PCGF6: variants seen among roughly 807,000 people sequenced by gnomAD.
PCGF6 encodes the protein polycomb group RING finger protein 6.
PCGF6 carries 24 observed loss-of-function variants against 45.5 expected under a neutral mutation model. The observed-to-expected ratio is 0.53, with a 90% confidence interval of 0.38 to 0.74. The LOEUF (loss-of-function observed/expected upper bound fraction) is 0.74. PCGF6 is among the 30% of genes least tolerant of loss of function. The pLI, the probability that PCGF6 is intolerant of heterozygous loss-of-function variation, is 0.00. For synonymous variants in PCGF6, 152 were observed against 162.1 expected (o/e 0.94, Z 0.47); for missense variants, 356 against 443.2 (o/e 0.80, Z 1.77).
chr10:103,317,950 G>A (rs1230095155), intron 8 of PCGF6, among the ~76,000 whole-genome samples: 2 of 151,026 alleles, frequency 1.3e-5, no homozygotes, highest in Non-Finnish European at 2.9e-5. Context: ...TAGACACGGG[G>A]TTTCTCATCT....
Position 103,345,005 on chromosome 10 carries a change from A to T in PCGF6, c.782+19T>A. 6.7e-7 allele frequency: 1 copy of T among 1,498,880 alleles called. No individual in the cohort carries two copies. Among genetic ancestry groups the T allele is most frequent in the Non-Finnish European group, 9.1e-7 (1 of 1,094,996 alleles). The allele number at this position is 1,498,880 out of a possible 1,614,324, so 92.8% of individuals were successfully genotyped here. A position where few individuals can be genotyped will look rare whatever the true frequency, so the allele number is the denominator to read the frequency against. On this transcript the variant is annotated intron_variant, in intron 6 of 9. Transcript: ENST00000369847. ...TTTAACATTCTTTAAGTTAAAAGGT[A>T]AATTTTTAGGGTACTCACCCAATGA...
chr10:103,328,175 G>C (rs1162040248), intron 7 of PCGF6, among the ~76,000 whole-genome samples: 3 of 152,082 alleles, frequency 2.0e-5, no homozygotes, highest in Admixed American at 6.6e-5. Flanking sequence ...GAAGTAATCA[G>C]AACTAAACAG....
At chr10:103,334,104 G>C (rs1306988523) in intron 6 of PCGF6, 152 bp from the exon 7 acceptor site, 2 of 541,242 alleles carry the variant, frequency 3.7e-6, no homozygotes, top group African/African-American at 4.0e-5. Context: ...AAATGTAATT[G>C]TCATTTCTGC....
intron 6 of PCGF6, among the ~76,000 whole-genome samples, chr10:103,343,205 G>C (rs1289210810): frequency 6.6e-6 from 1 of 152,032 alleles, no homozygotes; most frequent in Non-Finnish European, 1.5e-5. Context: ...TGGGATTATA[G>C]GCGTGAGCCA....
At chr10:103,321,616 G>A (rs1178664401) in intron 8 of PCGF6, among the ~76,000 whole-genome samples, 1 of 152,000 alleles carries the variant, frequency 6.6e-6, no homozygotes, top group Non-Finnish European at 1.5e-5. Flanking sequence ...GGAGGCTGAG[G>A]CAGGAGAATG....
chr10:103,321,258 C>T (rs1463638202), intron 8 of PCGF6, among the ~76,000 whole-genome samples: 1 of 152,114 alleles, frequency 6.6e-6, no homozygotes, highest in East Asian at 1.9e-4. Flanking sequence ...CTACCTCAGG[C>T]TCCAGAGTAG....
chr10:103,336,692 T>C (rs1404502547), intron 6 of PCGF6, among the ~76,000 whole-genome samples: 2 of 152,088 alleles, frequency 1.3e-5, no homozygotes, highest in Admixed American at 6.6e-5. Context: ...CTGGCCAACA[T>C]GGTAAACTTA....
chr10:103,335,725 T>C (rs376004812), intron 6 of PCGF6, among the ~76,000 whole-genome samples: 4 of 149,926 alleles, frequency 2.7e-5, no homozygotes, highest in Admixed American at 6.6e-5. Flanking sequence ...CCCAGCACTT[T>C]GGGAGGCCAA....
In PCGF6 at chr10:103,350,698, T is replaced by G; in HGVS notation, c.360+9A>C. On this transcript the variant is annotated intron_variant, in intron 1 of 9. Coordinates refer to ENST00000369847, the MANE Select transcript of PCGF6 (RefSeq NM_001011663.2). ...GGGCCCAGCGGGGTCGCGCGGGGGC[T>G]CTAAATACCTCCTCCTCGTCCTCCG... 6.8e-7 allele frequency: 1 copy of G among 1,480,068 alleles called. No individual in the cohort carries two copies. The allele number at this position is 1,480,068 out of a possible 1,614,324, so 91.7% of individuals were successfully genotyped here.
chr10:103,350,454 C>A (rs1191492912), intron 1 of PCGF6, among the ~76,000 whole-genome samples: 3 of 152,176 alleles, frequency 2.0e-5, no homozygotes, highest in African/African-American at 7.2e-5. Context: ...ATTAACAGAA[C>A]GAATGAGTTG....
intron 8 of PCGF6, among the ~76,000 whole-genome samples, chr10:103,315,500 C>T (rs541528780): frequency 6.6e-6 from 1 of 152,170 alleles, no homozygotes; most frequent in African/African-American, 2.4e-5. Context: ...GCTGGAACTA[C>T]AGGCACCCAC....
rs371883279 is a variant in PCGF6, at chr10:103,322,790, C to G, written c.909+3744G>C. Among the ~76,000 whole-genome samples the G allele has an allele frequency of 6.2e-4, 94 of 151,918 alleles. 2 individuals are homozygous for G. In the South Asian group the frequency reaches 0.019, roughly 31 times the overall value. ...AGTGAGTCAAGACTGTGCCACTGCACTCCAGCATGGGTGACAGAGCAAGAC... is the reference window on the plus strand; with the variant it reads ...AGTGAGTCAAGACTGTGCCACTGCAGTCCAGCATGGGTGACAGAGCAAGAC... On this transcript the variant is annotated intron_variant, in intron 8 of 9. Transcript: ENST00000369847.
chr10:103,308,950 T>C (rs1386241386), intron 9 of PCGF6, among the ~76,000 whole-genome samples: 3 of 152,182 alleles, frequency 2.0e-5, no homozygotes, highest in African/African-American at 2.4e-5. Context: ...TGGGGACATA[T>C]AGCCTCATTC....
chr10:103,338,186 A>G (rs559310604), intron 6 of PCGF6, among the ~76,000 whole-genome samples: 1 of 152,160 alleles, frequency 6.6e-6, no homozygotes, highest in South Asian at 2.1e-4. Context: ...GGTTGCAGTG[A>G]GTCGAGATCA....
chr10:103,322,983 G>C (rs1878548), intron 8 of PCGF6, among the ~76,000 whole-genome samples: 4 of 150,692 alleles, frequency 2.7e-5, no homozygotes, highest in African/African-American at 9.8e-5. Context: ...CTGTATTCTA[G>C]AGAGGGTCCT....
intron 4 of PCGF6, 31 bp downstream of exon 4, chr10:103,347,364 G>A (rs1467734593): frequency 3.2e-6 from 5 of 1,587,042 alleles, no homozygotes; most frequent in South Asian, 2.2e-5. Context: ...GAGATTCTGG[G>A]ATTCACAACC....
intron 9 of PCGF6, among the ~76,000 whole-genome samples, chr10:103,307,297 A>G (rs2093141305): frequency 6.6e-6 from 1 of 151,462 alleles, no homozygotes; most frequent in South Asian, 2.1e-4. Flanking sequence ...TAAAAAAATT[A>G]GCCAGTGGCA....
intron 1 of PCGF6, among the ~76,000 whole-genome samples, chr10:103,350,082 CAAAAACAAAACA>C (rs1564737211): frequency 7.3e-6 from 1 of 137,382 alleles, no homozygotes; most frequent in South Asian, 2.2e-4. Flanking sequence ...GACTCCGTCT[CAAAAACAAAACA>C]AAACAAAACA....
intron 9 of PCGF6, among the ~76,000 whole-genome samples, chr10:103,304,642 G>A (rs951188399): frequency 3.7e-5 from 5 of 136,622 alleles, no homozygotes; most frequent in African/African-American, 1.1e-4. Context: ...CACCTGGCCC[G>A]ACACCCAGCC....
Sources: gnomAD v4.1 joint callset for allele counts (sites outside exome capture counted in the v4.1 genomes callset) on GRCh38, gnomAD v4.1.1 for gene constraint, MANE v1.5 for transcripts, NCBI Gene and HGNC (gene_info 2026-07-23, HGNC 2026-07-21) for gene names.